The following CORO1C variants were observed in gnomAD, a reference collection of about 807,000 sequenced individuals.
CORO1C encodes coronin 1C, also known as coronin-1C.
A neutral mutation model predicts 51.2 loss-of-function variants in CORO1C; 14 were observed. The ratio of observed to expected loss-of-function variants is 0.27; its 90% CI spans 0.18 to 0.43. CORO1C has a LOEUF of 0.43. Ranked by LOEUF, CORO1C falls within the 20% of genes least tolerant of loss-of-function variation. The probability of loss-of-function intolerance (pLI) is 1.00; values close to 1 mark genes in which losing one functional copy is unlikely to be tolerated. For synonymous variants in CORO1C, 181 were observed against 210.5 expected, an observed-to-expected ratio of 0.86 and a Z score of 1.21; for missense variants, 417 against 607.8, an observed-to-expected ratio of 0.69 and a Z score of 3.30.
intron 1 of CORO1C, among the ~76,000 whole-genome samples, chr12:108,710,460 G>A (rs558744828): frequency 1.3e-5 from 2 of 152,144 alleles, no homozygotes; most frequent in Admixed American, 6.5e-5. Context: ...TTTTAATAAG[G>A]AGATAACACA....
intron 3 of CORO1C, among the ~76,000 whole-genome samples, chr12:108,677,651 A>G (rs1201556962): frequency 6.6e-6 from 1 of 152,202 alleles, no homozygotes; most frequent in Non-Finnish European, 1.5e-5. Flanking sequence ...ATGTGGTCAA[A>G]TGGCATTACA....
At chr12:108,677,416 G>A (rs1379462347) in intron 3 of CORO1C, among the ~76,000 whole-genome samples, 5 of 152,166 alleles carry the variant, frequency 3.3e-5, no homozygotes, top group Admixed American at 6.5e-5. Context: ...CACCTTTCAC[G>A]TTTTTTGTTT....
chr12:108,724,442 C>T (rs1281341290), intron 1 of CORO1C, among the ~76,000 whole-genome samples: 1 of 152,180 alleles, frequency 6.6e-6, no homozygotes, highest in Non-Finnish European at 1.5e-5. Flanking sequence ...ATCTGTCAAG[C>T]TCCTGCCACC....
At chr12:108,698,080 T>C (rs1014494253) in intron 2 of CORO1C, among the ~76,000 whole-genome samples, 3 of 152,172 alleles carry the variant, frequency 2.0e-5, no homozygotes, top group African/African-American at 7.2e-5. Context: ...AAAAGGCAAG[T>C]GTCACCTGAC....
chr12:108,707,707 T>G (rs1426129207), intron 1 of CORO1C, among the ~76,000 whole-genome samples: 1 of 152,178 alleles, frequency 6.6e-6, no homozygotes, highest in Admixed American at 6.5e-5. Flanking sequence ...ACTCATAGAA[T>G]GGGAGAAAAC....
chr12:108,706,745 A>T (rs2035043337), intron 1 of CORO1C, among the ~76,000 whole-genome samples: 1 of 152,020 alleles, frequency 6.6e-6, no homozygotes, highest in African/African-American at 2.4e-5. Flanking sequence ...CACTGCACCC[A>T]GCTAATTTTT....
chr12:108,704,204 G>A (rs1437289868), intron 1 of CORO1C, among the ~76,000 whole-genome samples: 1 of 152,096 alleles, frequency 6.6e-6, no homozygotes, highest in Non-Finnish European at 1.5e-5. Flanking sequence ...TCCACCAGGC[G>A]CAGTGGCTCA....
chr12:108,688,981 A>T (rs2034400420), intron 2 of CORO1C, among the ~76,000 whole-genome samples: 1 of 150,680 alleles, frequency 6.6e-6, no homozygotes, highest in Non-Finnish European at 1.5e-5. Context: ...CAGTGAGCTG[A>T]GAGCGTACCA....
At chr12:108,680,764 T>C (rs2034097429) in intron 2 of CORO1C, among the ~76,000 whole-genome samples, 1 of 152,188 alleles carries the variant, frequency 6.6e-6, no homozygotes, top group African/African-American at 2.4e-5. Context: ...TCTGATGGTG[T>C]CTCTCCTTAA....
intron 2 of CORO1C, chr12:108,700,856 T>G (rs2034843746): frequency 3.1e-6 from 1 of 327,172 alleles, no homozygotes; most frequent in African/African-American, 2.1e-5. Context: ...AATCTTAAAA[T>G]TCCTATGCCT....
At chr12:108,710,231 T>C (rs2035140391) in intron 1 of CORO1C, among the ~76,000 whole-genome samples, 1 of 152,218 alleles carries the variant, frequency 6.6e-6, no homozygotes, top group African/African-American at 2.4e-5. Context: ...TCTCTGGGCG[T>C]TGGTTGAAAC....
chr12:108,718,197 T>C (rs936366544), intron 1 of CORO1C, among the ~76,000 whole-genome samples: 1 of 151,862 alleles, frequency 6.6e-6, no homozygotes, highest in Non-Finnish European at 1.5e-5. Flanking sequence ...ACTAAAAATA[T>C]AAAAAATTAG....
At chr12:108,672,688 A>G (rs2033763324) in intron 3 of CORO1C, among the ~76,000 whole-genome samples, 1 of 151,420 alleles carries the variant, frequency 6.6e-6, no homozygotes, top group African/African-American at 2.4e-5. Flanking sequence ...GAAGCTTTTT[A>G]TCAACCCTAA....
chr12:108,703,991 T>G (rs892002636), intron 1 of CORO1C, among the ~76,000 whole-genome samples: 1 of 152,214 alleles, frequency 6.6e-6, no homozygotes, highest in African/African-American at 2.4e-5. Flanking sequence ...ACCTCACTTT[T>G]AAATGTGAAT....
chr12:108,718,701 C>G (rs1016307336), intron 1 of CORO1C, among the ~76,000 whole-genome samples: 1 of 152,142 alleles, frequency 6.6e-6, no homozygotes, highest in Non-Finnish European at 1.5e-5. Context: ...TTTTGTCTGC[C>G]TGATCCCTTT....
At chr12:108,650,090 T>G (rs1232259628) in intron 8 of CORO1C, among the ~76,000 whole-genome samples, 1 of 149,700 alleles carries the variant, frequency 6.7e-6, no homozygotes, top group Non-Finnish European at 1.5e-5. Flanking sequence ...GTTTATAAAA[T>G]CATCATCCTC....
chr12:108,688,935 G>A (rs2136847714), intron 2 of CORO1C, among the ~76,000 whole-genome samples: 1 of 152,128 alleles, frequency 6.6e-6, no homozygotes, highest in Non-Finnish European at 1.5e-5. Context: ...GAGGGCTGAG[G>A]CAGGAGAATT....
At chr12:108,679,141 A>C (rs897300385) in intron 2 of CORO1C, among the ~76,000 whole-genome samples, 16 of 146,180 alleles carry the variant, frequency 1.1e-4, no homozygotes. Flanking sequence ...AAACAAGAAA[A>C]AAGAAAAAAA....
chr12:108,654,236 C>A, intron 7 of CORO1C, 70 bp downstream of exon 7: 1 of 982,706 alleles, frequency 1.0e-6, no homozygotes, highest in Non-Finnish European at 1.6e-6. Context: ...ATTGCCCGTC[C>A]TCTAAATCTC....
Sources: allele counts gnomAD v4.1 joint callset (sites outside exome capture counted in the v4.1 genomes callset), GRCh38; gene constraint gnomAD v4.1.1; transcripts MANE v1.5; gene names NCBI Gene and HGNC (gene_info 2026-07-23, HGNC 2026-07-21).